Variants in SERPINB7 observed in about 807,000 individuals in gnomAD.
SERPINB7 encodes the protein serpin B7.
In SERPINB7, 31 loss-of-function variants were observed where a neutral mutation model predicts 37.4. That is an observed-to-expected ratio of 0.83 (90% CI 0.62 to 1.12). The LOEUF (loss-of-function observed/expected upper bound fraction) is 1.12, where lower values mean the gene tolerates loss of function less well. Ranked by LOEUF, SERPINB7 falls within the 50% of genes most tolerant of loss-of-function variation. The pLI is 0.00. For missense variants in SERPINB7, 521 were observed against 455.3 expected, an observed-to-expected ratio of 1.14 and a Z score of -1.31; for synonymous variants, 163 against 166.1, an observed-to-expected ratio of 0.98 and a Z score of 0.14.
At chr18:63,803,664 A>G (rs1316070927) in intron 7 of SERPINB7, among the ~76,000 whole-genome samples, 1 of 152,180 alleles carries the variant, frequency 6.6e-6, no homozygotes, top group African/African-American at 2.4e-5. Flanking sequence ...CAGTTGCCTC[A>G]TCTGTTGAGA....
At chr18:63,766,480 C>G (rs8091852) in intron 1 of SERPINB7, among the ~76,000 whole-genome samples, 4,718 of 152,114 alleles carry the variant, frequency 0.031, 122 homozygotes, top group African/African-American at 0.066. Flanking sequence ...ATAAATTGTT[C>G]GACAAATAAA....
chr18:63,792,227 T>C (rs1459477038), intron 2 of SERPINB7, among the ~76,000 whole-genome samples, 166 bp from the exon 3 acceptor site: 1 of 152,244 alleles, frequency 6.6e-6, no homozygotes, highest in Non-Finnish European at 1.5e-5. Flanking sequence ...TGCCTGTTGA[T>C]GTGCATTCAG....
intron 1 of SERPINB7, among the ~76,000 whole-genome samples, chr18:63,764,978 T>A (rs1159293523): frequency 6.6e-6 from 1 of 152,176 alleles, no homozygotes; most frequent in Non-Finnish European, 1.5e-5. Flanking sequence ...TGTAAACATA[T>A]AAATTACATC....
intron 1 of SERPINB7, among the ~76,000 whole-genome samples, chr18:63,756,006 T>C (rs2049119774): frequency 6.6e-6 from 1 of 151,944 alleles, no homozygotes; most frequent in Admixed American, 6.6e-5. Context: ...TGGAAACAAA[T>C]AGTAACAATG....
intron 7 of SERPINB7, among the ~76,000 whole-genome samples, chr18:63,803,838 T>A (rs771946173): frequency 6.6e-6 from 1 of 152,196 alleles, no homozygotes; most frequent in Non-Finnish European, 1.5e-5. Context: ...TTATTTTATC[T>A]GTCTTTCATG....
intron 6 of SERPINB7, among the ~76,000 whole-genome samples, chr18:63,800,652 A>C (rs1471674919): frequency 6.6e-6 from 1 of 152,214 alleles, no homozygotes; most frequent in Admixed American, 6.5e-5. Context: ...TCACATAGTT[A>C]GGAAATTTTA....
intron 7 of SERPINB7, among the ~76,000 whole-genome samples, chr18:63,801,714 G>A (rs1260578658): frequency 6.6e-6 from 1 of 152,074 alleles, no homozygotes; most frequent in Non-Finnish European, 1.5e-5. Context: ...TGGACTCTGT[G>A]GGGGCCAGAG....
chr18:63,798,511 AG>A, intron 5 of SERPINB7, 92 bp from the exon 6 acceptor site: 1 of 963,312 alleles, frequency 1.0e-6, no homozygotes, highest in Non-Finnish European at 1.5e-6. Flanking sequence ...TTATGTGTTA[AG>A]AAAAAAACTT....
At chr18:63,774,580 C>A (rs1334792890), upstream of SERPINB7, among the ~76,000 whole-genome samples, 2 of 152,054 alleles carry the variant, frequency 1.3e-5, no homozygotes, top group Non-Finnish European at 2.9e-5. Context: ...CCCAACCTAC[C>A]TTTCCCTACA....
chr18:63,798,481 T>C, intron 5 of SERPINB7, 123 bp from the exon 6 acceptor site: 2 of 707,734 alleles, frequency 2.8e-6, no homozygotes, highest in Non-Finnish European at 2.3e-6. Context: ...AGGTTATTCT[T>C]AATATTCTTA....
At chr18:63,802,091 G>T (rs184350694) in intron 7 of SERPINB7, among the ~76,000 whole-genome samples, 1 of 152,172 alleles carries the variant, frequency 6.6e-6, no homozygotes, top group Non-Finnish European at 1.5e-5. Context: ...CATCTTGGAG[G>T]TTAGCAGCAA....
Position 63,804,304 on chromosome 18 carries a change from A to C in SERPINB7, c.812A>C (p.Tyr271Ser), listed in dbSNP as rs747295277. 5.6e-6 allele frequency: 9 copies of C among 1,612,044 alleles called. No homozygotes were observed. Among genetic ancestry groups the C allele is most frequent in the Middle Eastern group, 1.7e-4 (1 of 6,046 alleles). ...WTNPRRMTSK[Y>S]VEVFFPQFKI... ...AATCCAAGGCGAATGACCTCTAAGT[A>C]TGTTGAGGTATTTTTTCCTCAGTTC... The change falls in exon 8 of 8, where the codon TAT becomes TCT. Residue 271 changes from tyrosine to serine, a missense_variant. Tyr to Ser is a moderately radical substitution (Grantham distance 144). Transcript: ENST00000398019.
At chr18:63,753,699 T>G (rs1051172560) in intron 1 of SERPINB7, among the ~76,000 whole-genome samples, 10 of 152,354 alleles carry the variant, frequency 6.6e-5, no homozygotes, top group Admixed American at 4.6e-4. Context: ...TAAAAGGTCT[T>G]CTATGTGTTG....
chr18:63,801,298 C>G (rs1368461629), intron 7 of SERPINB7, among the ~76,000 whole-genome samples: 3 of 152,016 alleles, frequency 2.0e-5, no homozygotes, highest in African/African-American at 7.2e-5. Flanking sequence ...GAGTTTAGGC[C>G]TTTTTGGTGT....
In SERPINB7 at chr18:63,804,406, C is replaced by G; in HGVS notation, c.914C>G (p.Ala305Gly). 6.2e-7 allele frequency: 1 copy of G among 1,613,714 alleles called. No homozygotes were observed. Residue 305 changes from alanine to glycine, a missense_variant, in exon 8 of 8, where the codon GCA becomes GGA. Ala to Gly is a moderately conservative substitution (Grantham distance 60). Coordinates refer to ENST00000398019, the MANE Select transcript of SERPINB7 (RefSeq NM_003784.4). ...AAAGATATCTTTGATGAATCCAAAG[C>G]AGATCTCTCTGGGATTGCTTCGGGG... ...GLKDIFDESK[A>G]DLSGIASGGR... is the part of the protein sequence containing the mutation.
intron 7 of SERPINB7, among the ~76,000 whole-genome samples, chr18:63,801,390 C>G (rs942507788): frequency 6.6e-6 from 1 of 152,084 alleles, no homozygotes; most frequent in African/African-American, 2.4e-5. Context: ...ATGATAGAGT[C>G]CTGAGCCTTT....
At chr18:63,786,854 A>G (rs2144621832) in intron 2 of SERPINB7, among the ~76,000 whole-genome samples, 1 of 152,334 alleles carries the variant, frequency 6.6e-6, no homozygotes, top group African/African-American at 2.4e-5. Flanking sequence ...GTGATAAACA[A>G]GCCCTTTGAA....
chr18:63,800,463 T>C (rs1348221585), intron 6 of SERPINB7, among the ~76,000 whole-genome samples: 2 of 152,206 alleles, frequency 1.3e-5, no homozygotes, highest in Admixed American at 6.5e-5. Context: ...TTAGTAAATT[T>C]TCATTACTTA....
chr18:63,793,296 G>T lies in SERPINB7; in HGVS notation c.336+19G>T. On this transcript the variant is annotated intron_variant, in intron 4 of 7. Coordinates refer to ENST00000398019, the MANE Select transcript of SERPINB7 (RefSeq NM_003784.4). ...TCATAAGGTAAGTGAAACTGCCTTT[G>T]TTAGAAGGACCTGAATCTTGTTAAA... 2 of 1,280,258 alleles carry T rather than the reference G, an allele frequency of 1.6e-6. No individual in the cohort carries two copies. The highest frequency in any genetic ancestry group is 2.3e-6 in the Non-Finnish European group (2 of 887,102). The allele number at this position is 1,280,258 out of a possible 1,614,324, so 79.3% of individuals were successfully genotyped here.
Sources: allele counts gnomAD v4.1 joint callset (sites outside exome capture counted in the v4.1 genomes callset), GRCh38; gene constraint gnomAD v4.1.1; transcripts MANE v1.5; gene names NCBI Gene and HGNC (gene_info 2026-07-23, HGNC 2026-07-21).